The following STAG2 variants were observed in gnomAD, a reference collection of about 807,000 sequenced individuals.
The protein encoded by STAG2 is cohesin subunit SA-2.
STAG2 carries 14 observed loss-of-function variants against 108.1 expected under a neutral mutation model. That is an observed-to-expected ratio of 0.13 (90% CI 0.09 to 0.20). The LOEUF is 0.20. Among genes scored for constraint, STAG2 ranks in the 10% least tolerant of loss-of-function variants. STAG2 has a pLI of 1.00. For missense variants in STAG2, 440 were observed against 940.9 expected (o/e 0.47, Z 6.96); for synonymous variants, 307 against 302.7 (o/e 1.01, Z -0.15).
chrX:124,063,055 C>T, intron 18 of STAG2, 61 bp downstream of exon 18: 1 of 1,168,188 alleles, frequency 8.6e-7, no homozygotes, highest in Non-Finnish European at 1.2e-6. Flanking sequence ...CTAAATGCCT[C>T]ACAGAATATT....
intron 25 of STAG2, among the ~76,000 whole-genome samples, chrX:124,071,873 C>T (rs1241063467): frequency 9.0e-6 from 1 of 111,184 alleles, no homozygotes; most frequent in Non-Finnish European, 1.9e-5. Context: ...ATCAAACCAG[C>T]CTTTCCTAGT....
intron 4 of STAG2, among the ~76,000 whole-genome samples, chrX:124,026,154 A>ATAG (rs1442023139): frequency 1.9e-5 from 2 of 105,692 alleles, no homozygotes; most frequent in Admixed American, 2.1e-4. Context: ...AATAATAATA[A>ATAG]TAATAATAAT....
chrX:124,083,827 T>C (rs1483503523), intron 29 of STAG2, among the ~76,000 whole-genome samples: 1 of 112,211 alleles, frequency 8.9e-6, no homozygotes, highest in Non-Finnish European at 1.9e-5. Flanking sequence ...GGACTCACTA[T>C]GTTGCCCAGA....
At chrX:124,099,412 T>A (rs1037097046) in intron 34 of STAG2, among the ~76,000 whole-genome samples, 1 of 111,334 alleles carries the variant, frequency 9.0e-6, no homozygotes, top group Non-Finnish European at 1.9e-5. Context: ...CCACCCAAAC[T>A]CTGACTTGAA....
chrX:123,974,548 A>G (rs751434394), intron 1 of STAG2, among the ~76,000 whole-genome samples: 1 of 97,304 alleles, frequency 1.0e-5, no homozygotes, highest in African/African-American at 3.8e-5. Context: ...TTATATATGC[A>G]GTTACTGTTA....
chrX:124,029,963 C>T (rs1204283941), intron 4 of STAG2, among the ~76,000 whole-genome samples: 3 of 110,378 alleles, frequency 2.7e-5, no homozygotes, highest in East Asian at 2.8e-4. Flanking sequence ...CCTACCCGCG[C>T]GTCCCCACCC....
rs780933396 is a variant in STAG2, at chrX:123,995,148, T to C, written c.-162-26219T>C. ...AGTGAGCTGGCCCAGAGATGGTAGA[T>C]CTTAGAAAGCTTGACTGTAAAATAC... On this transcript the variant is annotated intron_variant, in intron 1 of 34. Transcript: ENST00000371145. Among the ~76,000 whole-genome samples the C allele has an allele frequency of 2.7e-5, 3 of 111,760 alleles. No homozygotes were observed. In the Admixed American group the frequency reaches 2.9e-4, roughly 11 times the overall value.
chrX:124,043,784 C>G (rs1312472230), intron 7 of STAG2, among the ~76,000 whole-genome samples: 1 of 111,076 alleles, frequency 9.0e-6, no homozygotes, highest in Non-Finnish European at 1.9e-5. Flanking sequence ...AGTTGTCCCC[C>G]CCTTACCTCC....
chrX:124,094,641 T>C (rs2059334922), intron 33 of STAG2, among the ~76,000 whole-genome samples: 1 of 111,378 alleles, frequency 9.0e-6, no homozygotes. Flanking sequence ...GTTGATCATA[T>C]ACAAAATGGT....
intron 3 of STAG2, among the ~76,000 whole-genome samples, chrX:124,024,901 A>G (rs2057044759): frequency 8.9e-6 from 1 of 111,937 alleles, no homozygotes; most frequent in Admixed American, 9.6e-5. Flanking sequence ...TGACCCAAAT[A>G]CTAATATAAG....
At chrX:124,091,080 A>G in intron 32 of STAG2, 116 bp downstream of exon 32, 1 of 551,971 alleles carries the variant, frequency 1.8e-6, no homozygotes, top group Non-Finnish European at 2.8e-6. Context: ...CTAAGCTGAA[A>G]TAATCAAGGA....
chrX:123,987,460 C>T (rs1377931808), intron 1 of STAG2, among the ~76,000 whole-genome samples: 1 of 109,788 alleles, frequency 9.1e-6, no homozygotes, highest in Admixed American at 9.7e-5. Flanking sequence ...GTTGGCCAGG[C>T]TGGTCTCAAA....
chrX:124,032,473 GT>G (rs1169932529), intron 5 of STAG2, among the ~76,000 whole-genome samples: 69 of 105,476 alleles, frequency 6.5e-4, no homozygotes, highest in African/African-American at 1.9e-3. Context: ...ACAGGCAATA[GT>G]TTTTTTTTTT....
intron 5 of STAG2, among the ~76,000 whole-genome samples, chrX:124,031,723 TTTA>T (rs1176612289): frequency 3.1e-4 from 25 of 80,971 alleles, no homozygotes; most frequent in Non-Finnish European, 5.5e-4. Flanking sequence ...CAGCCCATTA[TTTA>T]TTATTATTAT....
chrX:123,969,883 G>T (rs1602623237), intron 1 of STAG2, among the ~76,000 whole-genome samples: 1 of 107,579 alleles, frequency 9.3e-6, no homozygotes, highest in Non-Finnish European at 1.9e-5. Flanking sequence ...CTGACCTCAG[G>T]TGATTCACCC....
chrX:124,022,120 C>T (rs756356636), intron 2 of STAG2, among the ~76,000 whole-genome samples: 1 of 111,272 alleles, frequency 9.0e-6, no homozygotes, highest in Admixed American at 9.6e-5. Flanking sequence ...CCTGTAATCC[C>T]AGCACTTTGG....
intron 1 of STAG2, among the ~76,000 whole-genome samples, chrX:124,003,188 A>C (rs1209416616): frequency 1.8e-5 from 2 of 108,299 alleles, no homozygotes; most frequent in Non-Finnish European, 3.8e-5. Context: ...GGGTGGTCTC[A>C]AACTCCTGAC....
chrX:123,969,248 G>A (rs906669761), intron 1 of STAG2, among the ~76,000 whole-genome samples: 8 of 109,832 alleles, frequency 7.3e-5, no homozygotes, highest in African/African-American at 2.0e-4. Context: ...TGAATTTTTT[G>A]GGGGGGGAAT....
At chrX:123,991,670 T>C (rs1388307062) in intron 1 of STAG2, among the ~76,000 whole-genome samples, 1 of 107,832 alleles carries the variant, frequency 9.3e-6, no homozygotes, top group Non-Finnish European at 1.9e-5. Flanking sequence ...TATTTTCTTT[T>C]TTTTTTTTTT....
Sources: gnomAD v4.1 joint callset for allele counts (sites outside exome capture counted in the v4.1 genomes callset) on GRCh38, gnomAD v4.1.1 for gene constraint, MANE v1.5 for transcripts, NCBI Gene and HGNC (gene_info 2026-07-23, HGNC 2026-07-21) for gene names.